The following TEX15 variants were observed in gnomAD, a reference collection of about 807,000 sequenced individuals.
The protein encoded by TEX15 is testis expressed 15, meiosis and synapsis associated.
TEX15 carries 171 observed loss-of-function variants against 237.3 expected under a neutral mutation model. The observed-to-expected ratio is 0.72, with a 90% CI of 0.64 to 0.82. TEX15 has a LOEUF of 0.82. Among genes scored for constraint, TEX15 ranks in the 40% least tolerant of loss-of-function variants. The pLI is 0.00. For missense variants in TEX15, 3,750 were observed against 3,646.5 expected (o/e 1.03, Z -0.73); for synonymous variants, 1,338 against 1,269.8 (o/e 1.05, Z -1.14).
rs1267932815 is a variant in TEX15 at position 30,845,933 on chromosome 8, A to G, written c.4234T>C (p.Leu1412=). Residue 1412 remains leucine, a synonymous_variant, in exon 8 of 11, where the codon TTA becomes CTA. Coordinates refer to ENST00000643185, the MANE Select transcript of TEX15 (RefSeq NM_001350162.2). ...CATATTATTGCATATGATTTTGGTA[A>G]TGGGCCCTTTCTTTCTTCTCCTACT... ...TKVGEERKGP[L]PKSYAIICNN... is the part of the protein sequence containing the mutation. 2 of 1,613,152 alleles carry G rather than the reference A, an allele frequency of 1.2e-6. No individual in the cohort carries two copies. Among genetic ancestry groups the G allele is most frequent in the African/African-American group, 1.3e-5 (1 of 74,858 alleles).
rs1807552109 is a variant in TEX15 at position 30,844,689 on chromosome 8, T to C, written c.5478A>G (p.Lys1826=). The C allele has an allele frequency of 6.2e-7, 1 of 1,613,058 alleles. No individual in the cohort carries two copies. The highest frequency in any genetic ancestry group is 1.7e-5 in the Admixed American group (1 of 59,910). The change falls in exon 8 of 11, where the codon AAA becomes AAG. Residue 1826 remains lysine, a synonymous_variant. Coordinates refer to ENST00000643185, the MANE Select transcript of TEX15 (RefSeq NM_001350162.2). ...DSSLLLKDNV[K]GSSSETCIVK... ...CAATACATGTTTCTGAAGAGGAGCCTTTTACATTATCTTTTAAAAGCAGAG... is the reference window on the plus strand; with the variant it reads ...CAATACATGTTTCTGAAGAGGAGCCCTTTACATTATCTTTTAAAAGCAGAG...
At position 30,847,505 on chromosome 8, in the gene TEX15, G is replaced by C; in HGVS notation, c.2662C>G (p.Gln888Glu). 6.2e-7 allele frequency: 1 copy of C among 1,613,198 alleles called. No homozygotes were observed. Among genetic ancestry groups the C allele is most frequent in the Non-Finnish European group, 8.5e-7 (1 of 1,179,774 alleles). ...AAATTTTCGTTTGTATGAGAATCCT[G>C]CTTTTTGTCTCCATATATGTTCTCT... ...NIENIYGDKK[Q>E]DSHTNENFSN... Residue 888 changes from glutamine (Q) to glutamate (E), a missense_variant, in exon 8 of 11, where the codon CAG (glutamine) becomes GAG (glutamate). Coordinates refer to ENST00000643185, the MANE Select transcript of TEX15 (RefSeq NM_001350162.2).
intron 1 of TEX15, among the ~76,000 whole-genome samples, chr8:30,910,398 C>T (rs561916863): frequency 2.4e-4 from 36 of 152,142 alleles, no homozygotes; most frequent in African/African-American, 8.2e-4. Flanking sequence ...TGCTTTCTTC[C>T]CACTGGCCAA....
intron 2 of TEX15, chr8:30,888,722 A>G: frequency 1.8e-6 from 2 of 1,128,568 alleles, no homozygotes; most frequent in South Asian, 2.6e-5. Context: ...AAAAGATGCT[A>G]AAATTCTACA....
intron 2 of TEX15, among the ~76,000 whole-genome samples, chr8:30,896,303 T>C (rs79844980): frequency 0.013 from 1,979 of 152,330 alleles, 46 homozygotes; most frequent in African/African-American, 0.045. Flanking sequence ...ACGCTTTTAA[T>C]TTTATTTAAA....
chr8:30,909,981 C>T (rs1431098690), intron 1 of TEX15, among the ~76,000 whole-genome samples: 1 of 152,042 alleles, frequency 6.6e-6, no homozygotes, highest in Admixed American at 6.6e-5. Context: ...CCTCTATCAT[C>T]CTTCATGAAG....
chr8:30,885,278 G>T (rs2128775659), intron 3 of TEX15, among the ~76,000 whole-genome samples: 1 of 152,248 alleles, frequency 6.6e-6, no homozygotes, highest in East Asian at 1.9e-4. Context: ...GAGGGATCCA[G>T]TGGGAGATGA....
chr8:30,862,984 T>C (rs1480931839), intron 5 of TEX15, among the ~76,000 whole-genome samples: 2 of 152,206 alleles, frequency 1.3e-5, no homozygotes, highest in African/African-American at 4.8e-5. Flanking sequence ...TCTCCCCACC[T>C]AGACAATAAC....
In TEX15 at chr8:30,845,346, G is replaced by A. The variant is rs372369352; in HGVS notation, c.4821C>T (p.Asp1607=). 111 of 1,611,612 alleles carry A rather than the reference G, an allele frequency of 6.9e-5. No homozygotes were observed. The Middle Eastern group carries it at 2.1e-3, about 31-fold the overall frequency. The change falls in exon 8 of 11, where the codon GAC becomes GAT. Residue 1607 remains aspartate, a synonymous_variant. Coordinates refer to ENST00000643185, the MANE Select transcript of TEX15 (RefSeq NM_001350162.2). ...VKDATKENSC[D]ANEVINESNS... Reference sequence around the variant, plus strand: ...TACTTTCATTTATTACTTCATTAGCGTCACAACTGTTTTCTTTAGTTGCAT... The same window carrying A: ...TACTTTCATTTATTACTTCATTAGCATCACAACTGTTTTCTTTAGTTGCAT...
At chr8:30,900,279 A>G (rs1808983606) in intron 1 of TEX15, among the ~76,000 whole-genome samples, 1 of 152,238 alleles carries the variant, frequency 6.6e-6, no homozygotes, top group African/African-American at 2.4e-5. Context: ...AGGGACAAAT[A>G]TAACCATGCA....
At position 30,848,994 on chromosome 8, in the gene TEX15, A is replaced by G. The variant is rs1807702940; in HGVS notation, c.1173T>C (p.Ser391=). The change falls in exon 8 of 11, where the codon AGT becomes AGC. Residue 391 remains serine, a synonymous_variant. Transcript: ENST00000643185. ...ISLMPSDAKD[S]VNGDLLLNWT... ...AATTTAACAAAAGGTCACCATTAAC[A>G]CTGTCTTTGGCATCACTGGGCATAA... 6.2e-7 allele frequency: 1 copy of G among 1,614,046 alleles called. No homozygotes were observed. The highest frequency in any genetic ancestry group is 1.7e-5 in the Admixed American group (1 of 60,006).
At chr8:30,910,466 AT>A (rs1330228897) in intron 1 of TEX15, among the ~76,000 whole-genome samples, 1 of 152,064 alleles carries the variant, frequency 6.6e-6, no homozygotes. Flanking sequence ...CTTTTACAGA[AT>A]TCATAGAGTC....
At chr8:30,871,032 G>A (rs1808281033) in intron 4 of TEX15, among the ~76,000 whole-genome samples, 2 of 151,832 alleles carry the variant, frequency 1.3e-5, no homozygotes, top group Non-Finnish European at 2.9e-5. Flanking sequence ...CATCTTCAAA[G>A]CCAGAAAAGG....
chr8:30,833,876 AAGGAGGTAAC>A (rs1268968896), intron 10 of TEX15, among the ~76,000 whole-genome samples: 3 of 152,170 alleles, frequency 2.0e-5, no homozygotes, highest in Non-Finnish European at 4.4e-5. Context: ...TAATATAACC[AAGGAGGTAAC>A]AATACAGATT....
At position 30,843,679 on chromosome 8, in the gene TEX15, T is replaced by C. The variant is rs1396056790; in HGVS notation, c.6488A>G (p.Tyr2163Cys). 2 of 1,612,386 alleles carry C rather than the reference T, an allele frequency of 1.2e-6. No individual in the cohort carries two copies. Residue 2163 changes from tyrosine (Y) to cysteine (C), a missense_variant, in exon 8 of 11, where the codon TAC becomes TGC. Physicochemically the swap from Tyr to Cys is radical, Grantham distance 194 (BLOSUM62 -2). Coordinates refer to ENST00000643185, the MANE Select transcript of TEX15 (RefSeq NM_001350162.2). ...LEETKREKNS[Y>C]YVFLKYKRQV... ...TCGTTTGTACTTTAAGAATACATAG[T>C]ATGAATTCTTTTCCCTTTTTGTTTC...
chr8:30,905,641 C>T (rs1809087462), intron 1 of TEX15, among the ~76,000 whole-genome samples: 1 of 148,206 alleles, frequency 6.7e-6, no homozygotes, highest in Admixed American at 6.9e-5. Context: ...ATAATCCCAG[C>T]ATTTTGGGAG....
At chr8:30,870,368 A>G (rs1225085763) in intron 4 of TEX15, among the ~76,000 whole-genome samples, 1 of 152,034 alleles carries the variant, frequency 6.6e-6, no homozygotes, top group African/African-American at 2.4e-5. Context: ...GTCATAGTTA[A>G]TTACATCATT....
Position 30,837,205 on chromosome 8 carries a change from T to A in TEX15, c.9079A>T (p.Thr3027Ser). ...NELPQSACNP[T>S]YNSSEHLFGT... ...AATAAATGCTCAGAAGAATTATATG[T>A]TGGGTTACATGCAGACTGTGGAAGT... Residue 3027 changes from threonine to serine, a missense_variant, in exon 10 of 11, where the codon ACA becomes TCA. Transcript: ENST00000643185. The A allele has an allele frequency of 6.2e-7, 1 of 1,614,086 alleles. No homozygotes were observed. The highest frequency in any genetic ancestry group is 1.1e-5 in the South Asian group (1 of 91,084).
chr8:30,844,321 T>C lies in TEX15; in HGVS notation c.5846A>G (p.Lys1949Arg). 1.2e-6 allele frequency: 2 copies of C among 1,613,328 alleles called. No homozygotes were observed. The highest frequency in any genetic ancestry group is 2.2e-5 in the South Asian group (2 of 90,972). ...TLHSEIAYIS[K>R]PGILGVNHTP... ...ATGATTAACTCCTAGAATTCCTGGT[T>C]TGGAAATATAGGCTATTTCTGAATG... is the stretch of plus-strand genomic sequence containing the variant. Residue 1949 changes from lysine to arginine, a missense_variant, in exon 8 of 11, where the codon AAA (lysine) becomes AGA (arginine). Transcript: ENST00000643185.
Sources: allele counts gnomAD v4.1 joint callset (sites outside exome capture counted in the v4.1 genomes callset), GRCh38; gene constraint gnomAD v4.1.1; transcripts MANE v1.5; gene names NCBI Gene and HGNC (gene_info 2026-07-23, HGNC 2026-07-21).